CFAP20DC: variants seen among roughly 807,000 people sequenced by gnomAD.
CFAP20DC encodes protein CFAP20DC.
A neutral mutation model predicts 101.7 loss-of-function variants in CFAP20DC; 84 were observed. The observed-to-expected ratio is 0.83, with a 90% CI of 0.69 to 0.99. The LOEUF (loss-of-function observed/expected upper bound fraction) is 0.99. Ranked by LOEUF, CFAP20DC falls within the 50% of genes least tolerant of loss-of-function variation. The pLI, the probability that CFAP20DC is intolerant of heterozygous loss-of-function variation, is 0.00. For synonymous variants in CFAP20DC, 359 were observed against 351.2 expected (o/e 1.02, Z -0.25); for missense variants, 1,007 against 970.3 (o/e 1.04, Z -0.50).
intron 6 of CFAP20DC, among the ~76,000 whole-genome samples, chr3:58,885,541 C>A (rs1444549231): frequency 6.6e-6 from 1 of 151,520 alleles, no homozygotes; most frequent in African/African-American, 2.4e-5. Flanking sequence ...TAACTATAGT[C>A]CTCTTACAGT....
At chr3:58,818,014 C>T (rs1439828725) in intron 14 of CFAP20DC, among the ~76,000 whole-genome samples, 1 of 150,636 alleles carries the variant, frequency 6.6e-6, no homozygotes, top group Non-Finnish European at 1.5e-5. Context: ...GAATTTTCAA[C>T]CCAGAATTTC....
chr3:59,016,027 T>C (rs561267803), intron 4 of CFAP20DC, among the ~76,000 whole-genome samples: 3 of 152,250 alleles, frequency 2.0e-5, no homozygotes, highest in East Asian at 3.9e-4. Flanking sequence ...GGGAATTCCC[T>C]ACCTGAGTGG....
At position 58,928,332 on chromosome 3, in the gene CFAP20DC, T is replaced by A. The variant is rs147198801; in HGVS notation, c.393+9316A>T. Among the ~76,000 whole-genome samples, 409 of 152,306 alleles carry A rather than the reference T, an allele frequency of 2.7e-3. 3 individuals carry two copies. The highest frequency in any genetic ancestry group is 9.2e-3 in the African/African-American group (383 of 41,568). ...TATCTACTCTGCAGAGGGAAAACCA[T>A]AGTGCGCTTCCTGGAAGAAGTAGCA... On this transcript the variant is annotated intron_variant, in intron 5 of 16. Coordinates refer to ENST00000482387, the MANE Select transcript of CFAP20DC (RefSeq NM_001394063.1).
At chr3:58,893,435 A>G (rs1410282679) in intron 6 of CFAP20DC, among the ~76,000 whole-genome samples, 1 of 152,194 alleles carries the variant, frequency 6.6e-6, no homozygotes, top group East Asian at 1.9e-4. Flanking sequence ...GTGATGAATG[A>G]CATTTATTGA....
In CFAP20DC at chr3:58,861,538, A is replaced by T. The variant is rs1206334811; in HGVS notation, c.1593+2020T>A. 1.0e-6 allele frequency: 1 copy of T among 980,128 alleles called. No individual in the cohort carries two copies. The highest frequency in any genetic ancestry group is 1.1e-4 in the East Asian group (1 of 8,808). 60.7% of individuals were successfully genotyped at this position (980,128 alleles called of 1,614,324 possible). On this transcript the variant is annotated intron_variant, in intron 12 of 16. Coordinates refer to ENST00000482387, the MANE Select transcript of CFAP20DC (RefSeq NM_001394063.1). The surrounding 1 kb of genome is among the most constrained non-coding windows in gnomAD (Gnocchi z 4.0). ...CAGGAAAAGAAATTACCAAAAGTAC[A>T]AAAGAAAAAATCCAATTTTGTTAAG...
intron 15 of CFAP20DC, among the ~76,000 whole-genome samples, chr3:58,782,948 CA>C (rs1384424772): frequency 6.6e-6 from 1 of 151,264 alleles, no homozygotes; most frequent in Non-Finnish European, 1.5e-5. Context: ...ACCTGAATAG[CA>C]AAAGAAATTT....
At chr3:58,984,356 T>C (rs947608521) in intron 4 of CFAP20DC, among the ~76,000 whole-genome samples, 9 of 152,172 alleles carry the variant, frequency 5.9e-5, no homozygotes, top group African/African-American at 2.2e-4. Flanking sequence ...AGCTTCTGAA[T>C]TGGTTTCTGA....
intron 14 of CFAP20DC, among the ~76,000 whole-genome samples, chr3:58,825,680 T>C (rs2075993811): frequency 6.6e-6 from 1 of 152,144 alleles, no homozygotes; most frequent in Non-Finnish European, 1.5e-5. Context: ...TGAATAAATC[T>C]CACGAGGGCT....
At chr3:58,823,885 A>G (rs1216366548) in intron 14 of CFAP20DC, among the ~76,000 whole-genome samples, 2 of 152,164 alleles carry the variant, frequency 1.3e-5, no homozygotes, top group African/African-American at 4.8e-5. Context: ...TGTATTTACA[A>G]TTTAAAAAAT....
intron 14 of CFAP20DC, among the ~76,000 whole-genome samples, chr3:58,823,075 A>G (rs1042119391): frequency 1.3e-5 from 2 of 152,058 alleles, no homozygotes; most frequent in African/African-American, 2.4e-5. Flanking sequence ...CTCTTCATCA[A>G]ACCTGGAGTA....
At chr3:58,796,199 G>A (rs968630215) in intron 15 of CFAP20DC, among the ~76,000 whole-genome samples, 1 of 152,180 alleles carries the variant, frequency 6.6e-6, no homozygotes, top group Non-Finnish European at 1.5e-5. Flanking sequence ...GCAGAGGAGG[G>A]AGGAGGAGTG....
In CFAP20DC at chr3:58,870,203, G is replaced by A. The variant is rs2080034017; in HGVS notation, c.822C>T (p.Gly274=). 1.2e-6 allele frequency: 2 copies of A among 1,613,840 alleles called. No individual in the cohort carries two copies. The highest frequency in any genetic ancestry group is 4.5e-5 in the East Asian group (2 of 44,854). The part of the protein sequence containing the change: ...SKVLGPPPLS[G]RRNNMKISSE... Reference sequence around the variant, plus strand: ...TGGATATCTTCATGTTATTCCTTCTGCCAGAGAGTGGAGGTGGCCCAAGAA... The same window carrying A: ...TGGATATCTTCATGTTATTCCTTCTACCAGAGAGTGGAGGTGGCCCAAGAA... Residue 274 remains glycine (G), a synonymous_variant, in exon 8 of 17, where the codon GGC becomes GGT. Transcript: ENST00000482387.
In CFAP20DC at chr3:58,722,283, C is replaced by T. The variant is rs867432652; in HGVS notation, c.198-4655G>A. ...CCTTTGAGCCTTTCCAGCTGAGGTC[C>T]CAGATATCATGAAGCTGAGTTAAGC... On this transcript the variant is annotated intron_variant, in intron 3 of 3. Transcript: ENST00000486145. This position sits in a 1 kb window ranked among gnomAD's most constrained non-coding sequence, Gnocchi z 4.5. Among the ~76,000 whole-genome samples the T allele has an allele frequency of 6.6e-6, 1 of 152,134 alleles. No individual in the cohort carries two copies. The highest frequency in any genetic ancestry group is 1.5e-5 in the Non-Finnish European group (1 of 68,022).
intron 6 of CFAP20DC, among the ~76,000 whole-genome samples, chr3:58,904,222 T>C (rs1367201177): frequency 2.0e-5 from 3 of 152,162 alleles, no homozygotes; most frequent in African/African-American, 7.2e-5. Flanking sequence ...GGTAGTTAAC[T>C]ATTTTGGATG....
intron 4 of CFAP20DC, among the ~76,000 whole-genome samples, chr3:59,021,448 T>G (rs1345336277): frequency 2.0e-5 from 3 of 152,066 alleles, no homozygotes; most frequent in Non-Finnish European, 2.9e-5. Context: ...GTCAAGTGTC[T>G]ATAATTAAAG....
At chr3:58,960,847 C>G (rs2091074044) in intron 4 of CFAP20DC, among the ~76,000 whole-genome samples, 1 of 152,014 alleles carries the variant, frequency 6.6e-6, no homozygotes. Context: ...TGTTTTGTTC[C>G]TAATCTTAGA....
At chr3:58,860,828 TA>T (rs1273381213) in intron 12 of CFAP20DC, among the ~76,000 whole-genome samples, 1 of 152,178 alleles carries the variant, frequency 6.6e-6, no homozygotes, top group Non-Finnish European at 1.5e-5. Flanking sequence ...ATAGCTTTCC[TA>T]AAAAATTCAT....
chr3:58,735,867 T>A (rs2067741923), intron 3 of CFAP20DC, among the ~76,000 whole-genome samples: 1 of 152,228 alleles, frequency 6.6e-6, no homozygotes, highest in South Asian at 2.1e-4. Flanking sequence ...GATAATGTAT[T>A]TGCTGACCAC....
intron 7 of CFAP20DC, among the ~76,000 whole-genome samples, chr3:58,873,284 T>G (rs2080408947): frequency 6.7e-6 from 1 of 148,242 alleles, no homozygotes; most frequent in African/African-American, 2.5e-5. Flanking sequence ...CAAGCAGAAG[T>G]CTGGATAGCT....
Sources: allele counts gnomAD v4.1 joint callset (sites outside exome capture counted in the v4.1 genomes callset), GRCh38; gene constraint gnomAD v4.1.1; non-coding constraint Gnocchi (gnomAD v3.1); transcripts MANE v1.5; gene names NCBI Gene and HGNC (gene_info 2026-07-23, HGNC 2026-07-21).